CACNA2D3: variants seen among roughly 807,000 people sequenced by gnomAD.
The protein encoded by CACNA2D3 is calcium voltage-gated channel auxiliary subunit alpha2delta 3, also known as voltage-dependent calcium channel subunit alpha-2/delta-3.
A neutral mutation model predicts 160.6 loss-of-function variants in CACNA2D3; 60 were observed. That is an observed-to-expected ratio of 0.37 (90% CI 0.30 to 0.46). The LOEUF (loss-of-function observed/expected upper bound fraction) is 0.46, where lower values mean the gene tolerates loss of function less well. Ranked by LOEUF, CACNA2D3 falls within the 20% of genes least tolerant of loss-of-function variation. The probability of loss-of-function intolerance (pLI) is 1.00; values close to 1 mark genes in which losing one functional copy is unlikely to be tolerated. For synonymous variants in CACNA2D3, 558 were observed against 492.9 expected (o/e 1.13, Z -1.75); for missense variants, 1,205 against 1,365.0 (o/e 0.88, Z 1.85).
chr3:55,023,948 A>G (rs977451415), intron 35 of CACNA2D3, among the ~76,000 whole-genome samples: 1 of 146,064 alleles, frequency 6.8e-6, no homozygotes, highest in Non-Finnish European at 1.5e-5. Context: ...TTCTCTTGTA[A>G]GATCTTTTGT....
chr3:54,298,944 TAAAAAAAAAAAAAA>T (rs59100168), intron 2 of CACNA2D3, among the ~76,000 whole-genome samples: 6 of 99,254 alleles, frequency 6.0e-5, no homozygotes, highest in Middle Eastern at 7.1e-3. Flanking sequence ...CTCTGTTTCT[TAAAAAAAAAAAAAA>T]AAAAAAAAAA....
At chr3:54,646,715 A>T (rs1699659944) in intron 11 of CACNA2D3, among the ~76,000 whole-genome samples, 2 of 152,230 alleles carry the variant, frequency 1.3e-5, no homozygotes, top group Non-Finnish European at 1.5e-5. Flanking sequence ...TGCAGTGAAC[A>T]TACACATGCA....
At chr3:54,980,740 A>G (rs1702489077) in intron 29 of CACNA2D3, among the ~76,000 whole-genome samples, 1 of 152,240 alleles carries the variant, frequency 6.6e-6, no homozygotes, top group Non-Finnish European at 1.5e-5. Flanking sequence ...ATGCTGCAAA[A>G]TAGGTAAGCT....
intron 3 of CACNA2D3, among the ~76,000 whole-genome samples, chr3:54,345,161 T>C (rs1007489096): frequency 2.0e-5 from 3 of 152,242 alleles, no homozygotes; most frequent in Non-Finnish European, 4.4e-5. Flanking sequence ...AGCCATTCTT[T>C]TATTCCTTTA....
In CACNA2D3 at chr3:54,150,994, GGGT is replaced by G. The variant is rs1700139462; in HGVS notation, c.204+27403_204+27405del. On this transcript the variant is annotated intron_variant, in intron 2 of 37. Coordinates refer to ENST00000474759, the MANE Select transcript of CACNA2D3 (RefSeq NM_018398.3). ...TGGATGGGTAAATGGATGGATGAGT[GGGT>G]GGATAGATGAATGAATGGATGTAGG... 2.0e-5 allele frequency among the ~76,000 whole-genome samples: 3 copies of G among 151,816 alleles called. No homozygotes were observed. The South Asian group carries it at 6.3e-4, about 32-fold the overall frequency.
intron 27 of CACNA2D3, among the ~76,000 whole-genome samples, chr3:54,938,875 G>T (rs954340852): frequency 6.6e-6 from 1 of 152,060 alleles, no homozygotes; most frequent in African/African-American, 2.4e-5. Flanking sequence ...ATCCCCATTA[G>T]TGTGCCATGG....
At chr3:55,050,212 A>G (rs1383428688) in intron 35 of CACNA2D3, among the ~76,000 whole-genome samples, 1 of 149,510 alleles carries the variant, frequency 6.7e-6, no homozygotes, top group Non-Finnish European at 1.5e-5. Context: ...TGGTCTTTAC[A>G]TTTTGGCATG....
rs116522557 is a variant in CACNA2D3, at chr3:54,456,679, A to C, written c.382-46813A>C. On this transcript the variant is annotated intron_variant, in intron 4 of 37. Transcript: ENST00000474759. ...CATTTCTTGGAAATAATTTGAGAAGAATTGGCATTAGTTTTTCTTTAAAAG... is the reference window on the plus strand; with the variant it reads ...CATTTCTTGGAAATAATTTGAGAAGCATTGGCATTAGTTTTTCTTTAAAAG... Among the ~76,000 whole-genome samples the C allele has an allele frequency of 3.6e-3, 545 of 152,046 alleles. 4 individuals are homozygous for C. Among genetic ancestry groups the C allele is most frequent in the African/African-American group, 0.013 (521 of 41,528 alleles).
chr3:55,022,351 C>T (rs1466046938), intron 35 of CACNA2D3, among the ~76,000 whole-genome samples: 1 of 151,978 alleles, frequency 6.6e-6, no homozygotes, highest in Non-Finnish European at 1.5e-5. Flanking sequence ...CCTTTTTCGT[C>T]ATTTTGCACT....
chr3:54,248,838 G>C, intron 2 of CACNA2D3, among the ~76,000 whole-genome samples: 1 of 152,208 alleles, frequency 6.6e-6, no homozygotes, highest in Non-Finnish European at 1.5e-5. Flanking sequence ...TAGTTGAGGT[G>C]CTTGCTGAAG....
intron 11 of CACNA2D3, among the ~76,000 whole-genome samples, chr3:54,675,816 C>A (rs1700234449): frequency 6.6e-6 from 1 of 152,188 alleles, no homozygotes; most frequent in Non-Finnish European, 1.5e-5. Context: ...GAGAGACCTA[C>A]AACAGGCAGG....
chr3:54,176,798 A>G (rs1700687940), intron 2 of CACNA2D3, among the ~76,000 whole-genome samples: 1 of 151,924 alleles, frequency 6.6e-6, no homozygotes, highest in Non-Finnish European at 1.5e-5. Flanking sequence ...CAGTCCATGG[A>G]CTTTGCCTAA....
chr3:54,923,230 A>G (rs1199967752), intron 27 of CACNA2D3, among the ~76,000 whole-genome samples: 1 of 152,204 alleles, frequency 6.6e-6, no homozygotes, highest in Admixed American at 6.5e-5. Context: ...ACACTTCTGC[A>G]TGATCTGACC....
At chr3:54,252,252 T>C (rs1197070145) in intron 2 of CACNA2D3, among the ~76,000 whole-genome samples, 1 of 151,994 alleles carries the variant, frequency 6.6e-6, no homozygotes, top group Non-Finnish European at 1.5e-5. Context: ...TAGATTTAGG[T>C]TGGGCTTTTT....
intron 4 of CACNA2D3, among the ~76,000 whole-genome samples, chr3:54,458,284 A>T (rs752213985): frequency 1.3e-5 from 2 of 151,816 alleles, no homozygotes; most frequent in Non-Finnish European, 2.9e-5. Flanking sequence ...ATGTGTTTTC[A>T]TTATGATAGT....
intron 20 of CACNA2D3, among the ~76,000 whole-genome samples, chr3:54,880,308 G>A (rs9824871): frequency 0.038 from 5,727 of 152,308 alleles, 301 homozygotes; most frequent in African/African-American, 0.12. Flanking sequence ...ATTAGACTAG[G>A]GAGAGGATTG....
At chr3:54,351,271 C>T (rs184228419) in intron 3 of CACNA2D3, among the ~76,000 whole-genome samples, 31 of 152,066 alleles carry the variant, frequency 2.0e-4, no homozygotes, top group Admixed American at 1.4e-3. Context: ...CATGAGCTAC[C>T]GCGCCCGGCC....
chr3:54,766,933 C>CAA (rs34154838), intron 13 of CACNA2D3, among the ~76,000 whole-genome samples: 7 of 123,802 alleles, frequency 5.7e-5, no homozygotes, highest in Non-Finnish European at 1.1e-4. Context: ...ACTTACTTTA[C>CAA]AAAAAAAAAA....
At chr3:54,628,593 A>G (rs980657544) in intron 10 of CACNA2D3, among the ~76,000 whole-genome samples, 17 of 152,084 alleles carry the variant, frequency 1.1e-4, no homozygotes, top group Non-Finnish European at 1.8e-4. Flanking sequence ...GGAGGCCATT[A>G]AGTTATCTGG....
Sources: gnomAD v4.1 joint callset for allele counts (sites outside exome capture counted in the v4.1 genomes callset) on GRCh38, gnomAD v4.1.1 for gene constraint, MANE v1.5 for transcripts, NCBI Gene and HGNC (gene_info 2026-07-23, HGNC 2026-07-21) for gene names.